MSANTD3: variants seen among roughly 807,000 people sequenced by gnomAD.
MSANTD3 encodes the protein myb/SANT-like DNA-binding domain-containing protein 3.
Under a neutral mutation model 27.7 loss-of-function variants are expected in MSANTD3, and 11 were observed. That is an observed-to-expected ratio of 0.40 (90% CI 0.25 to 0.66). The LOEUF (loss-of-function observed/expected upper bound fraction) is 0.66, where lower values mean the gene tolerates loss of function less well. Among genes scored for constraint, MSANTD3 ranks in the 30% least tolerant of loss-of-function variants. The probability of loss-of-function intolerance (pLI) is 0.41; values close to 1 mark genes in which losing one functional copy is unlikely to be tolerated. For missense variants in MSANTD3, 250 were observed against 336.5 expected (o/e 0.74, Z 2.01); for synonymous variants, 131 against 127.2 (o/e 1.03, Z -0.20).
intron 1 of MSANTD3, among the ~76,000 whole-genome samples, chr9:100,434,593 C>G (rs149957203): frequency 6.6e-6 from 1 of 152,272 alleles, no homozygotes; most frequent in Non-Finnish European, 1.5e-5. Context: ...TGTCCCCACT[C>G]AGAGTCCAGG....
At position 100,427,356 on chromosome 9, in the gene MSANTD3, C is replaced by T. The variant is rs1417168895; in HGVS notation, c.-71C>T. 18 of 146,972 alleles carry T rather than the reference C, an allele frequency of 1.2e-4. No homozygotes were observed. Among genetic ancestry groups the T allele is most frequent in the South Asian group, 4.1e-4 (2 of 4,822 alleles). The allele number at this position is 146,972 out of a possible 1,614,324, so 9.1% of individuals were successfully genotyped here. On this transcript the variant is annotated 5_prime_UTR_variant, in exon 1 of 3. Transcript: ENST00000395067. ...GCCCGCCCTCGCGCCTCGCCGGCCC[C>T]TCCCCCGGTCGCCGCGGCTGCCGCG...
At chr9:100,431,014 GT>G in intron 1 of MSANTD3, among the ~76,000 whole-genome samples, 1 of 143,500 alleles carries the variant, frequency 7.0e-6, no homozygotes, top group South Asian at 2.2e-4. Flanking sequence ...TTTTTTTTTT[GT>G]TTTTGAGATG....
intron 1 of MSANTD3, among the ~76,000 whole-genome samples, chr9:100,440,960 G>A (rs1357164808): frequency 2.3e-5 from 3 of 129,364 alleles, no homozygotes; most frequent in Non-Finnish European, 4.8e-5. Flanking sequence ...TTTTGAGATG[G>A]AGTCTCACTC....
At chr9:100,449,044 G>A (rs1425985647) in intron 2 of MSANTD3, 67 of 985,098 alleles carry the variant, frequency 6.8e-5, no homozygotes, top group Non-Finnish European at 7.8e-5. Flanking sequence ...CCAGAATAAC[G>A]GAGTGGACGT....
chr9:100,450,496 GTTTT>G (rs754669825), intron 2 of MSANTD3, 57 bp from the exon 3 acceptor site: 59 of 1,112,530 alleles, frequency 5.3e-5, no homozygotes, highest in Non-Finnish European at 7.0e-5. Flanking sequence ...AATAGGATTG[GTTTT>G]TTTTTTTCTC....
chr9:100,434,861 C>G (rs183495166), intron 1 of MSANTD3, among the ~76,000 whole-genome samples: 3 of 152,298 alleles, frequency 2.0e-5, no homozygotes, highest in Non-Finnish European at 4.4e-5. Flanking sequence ...GTATCTCCCA[C>G]ATACTCTAGA....
chr9:100,448,515 A>G (rs561225435), intron 2 of MSANTD3: 1 of 985,384 alleles, frequency 1.0e-6, no homozygotes. Flanking sequence ...CACACAGAGC[A>G]CTGTTCCTTC....
rs117582277 is a variant in MSANTD3 at position 100,442,362 on chromosome 9, C to T, written c.418+6C>T. 21,364 of 1,605,370 alleles carry T rather than the reference C, an allele frequency of 0.013. 172 individuals carry two copies. The highest frequency in any genetic ancestry group is 0.02 in the South Asian group (1,825 of 90,752). On this transcript the variant is annotated splice_donor_region_variant and intron_variant, in intron 2 of 2. Transcript: ENST00000395067. Reference sequence around the variant, plus strand: ...CCCCGACGCCTCAGCCCAAGGTATCCGTTCCTGATGCCAGTGTGCACGCTC... The same window carrying T: ...CCCCGACGCCTCAGCCCAAGGTATCTGTTCCTGATGCCAGTGTGCACGCTC...
chr9:100,432,612 G>A (rs1233561716), intron 1 of MSANTD3, among the ~76,000 whole-genome samples: 1 of 152,210 alleles, frequency 6.6e-6, no homozygotes, highest in African/African-American at 2.4e-5. Context: ...AGTGCTTGAT[G>A]TACACCAGGC....
intron 2 of MSANTD3, chr9:100,445,126 A>G (rs1392346153): frequency 2.4e-6 from 3 of 1,264,322 alleles, no homozygotes; most frequent in South Asian, 1.2e-5. Flanking sequence ...CTTTCTATAC[A>G]GTAAAACAAC....
rs553765982 is a variant in MSANTD3 at position 100,448,098 on chromosome 9, G to A, written c.419-2459G>A. ...TCCCAGCTAGTTGGAGGCTGAAGTG[G>A]GAGGGTCACTTGAATCTGGGAGCCA... On this transcript the variant is annotated intron_variant, in intron 2 of 2. Coordinates refer to ENST00000395067, the MANE Select transcript of MSANTD3 (RefSeq NM_080655.3). 5.7e-5 allele frequency: 28 copies of A among 488,492 alleles called. No individual in the cohort carries two copies. The East Asian group carries it at 3.4e-3, about 59-fold the overall frequency. 30.3% of individuals were successfully genotyped at this position (488,492 alleles called of 1,614,324 possible). A position where few individuals can be genotyped will look rare whatever the true frequency, so the allele number is the denominator to read the frequency against.
intron 1 of MSANTD3, among the ~76,000 whole-genome samples, chr9:100,431,498 T>A (rs1564246372): frequency 6.6e-6 from 1 of 151,656 alleles, no homozygotes; most frequent in African/African-American, 2.4e-5. Flanking sequence ...AGATGGAGTA[T>A]CACTGTGTTG....
intron 1 of MSANTD3, among the ~76,000 whole-genome samples, chr9:100,433,825 C>G (rs1836420780): frequency 6.6e-6 from 1 of 152,150 alleles, no homozygotes; most frequent in Admixed American, 6.5e-5. Flanking sequence ...TGCCACGTGT[C>G]CTTCAGTTCA....
chr9:100,436,416 C>T (rs1311006468), intron 1 of MSANTD3, among the ~76,000 whole-genome samples: 6 of 152,136 alleles, frequency 3.9e-5, no homozygotes, highest in African/African-American at 7.2e-5. Context: ...GTTTACTGAG[C>T]GCCTACTTTG....
chr9:100,439,276 A>G (rs1351763186), intron 1 of MSANTD3, among the ~76,000 whole-genome samples: 2 of 152,274 alleles, frequency 1.3e-5, no homozygotes, highest in Non-Finnish European at 2.9e-5. Context: ...ACAACTACAG[A>G]AACCCCTTCC....
chr9:100,448,137 G>A, intron 2 of MSANTD3: 1 of 851,636 alleles, frequency 1.2e-6, no homozygotes, highest in Non-Finnish European at 1.4e-6. Flanking sequence ...ATGGCAGTGA[G>A]CTGAGATCAC....
At chr9:100,443,683 T>C (rs929911372) in intron 2 of MSANTD3, among the ~76,000 whole-genome samples, 3 of 152,208 alleles carry the variant, frequency 2.0e-5, no homozygotes, top group African/African-American at 7.2e-5. Flanking sequence ...TAGTGTGTCA[T>C]AGCTTCAAAA....
At chr9:100,431,334 TTTACTC>T (rs1447455394) in intron 1 of MSANTD3, among the ~76,000 whole-genome samples, 4 of 150,350 alleles carry the variant, frequency 2.7e-5, no homozygotes, top group Admixed American at 2.7e-4. Flanking sequence ...GAGACAGCGT[TTTACTC>T]TTTCACCTAG....
chr9:100,438,096 C>G (rs139118377), intron 1 of MSANTD3, among the ~76,000 whole-genome samples: 1 of 152,310 alleles, frequency 6.6e-6, no homozygotes, highest in African/African-American at 2.4e-5. Context: ...GGAAGAATTA[C>G]ATTGCTTGGA....
Sources: gnomAD v4.1 joint callset for allele counts (sites outside exome capture counted in the v4.1 genomes callset) on GRCh38, gnomAD v4.1.1 for gene constraint, MANE v1.5 for transcripts, NCBI Gene and HGNC (gene_info 2026-07-23, HGNC 2026-07-21) for gene names.